SPATA1: variants seen among roughly 807,000 people sequenced by gnomAD.
The protein encoded by SPATA1 is spermatogenesis-associated protein 1.
SPATA1 carries 57 observed loss-of-function variants against 59.6 expected under a neutral mutation model. That is an observed-to-expected ratio of 0.96 (90% CI 0.77 to 1.19). The LOEUF is 1.19. Among genes scored for constraint, SPATA1 ranks in the 50% most tolerant of loss-of-function variants. The probability of loss-of-function intolerance (pLI) is 0.00; values close to 1 mark genes in which losing one functional copy is unlikely to be tolerated. For missense variants in SPATA1, 448 were observed against 480.7 expected (o/e 0.93, Z 0.64); for synonymous variants, 147 against 163.9 (o/e 0.90, Z 0.79).
At chr1:84,563,277 C>G (rs1362956992) in intron 4 of SPATA1, 1 of 1,557,482 alleles carries the variant, frequency 6.4e-7, no homozygotes, top group African/African-American at 1.4e-5. Flanking sequence ...TAATAAGGAG[C>G]CCGCTGATCT....
intron 1 of SPATA1, among the ~76,000 whole-genome samples, chr1:84,508,397 T>C (rs1263531230): frequency 6.6e-6 from 1 of 152,250 alleles, no homozygotes; most frequent in Non-Finnish European, 1.5e-5. Context: ...GTTTAGATGT[T>C]CTTTGACCTT....
intron 8 of SPATA1, among the ~76,000 whole-genome samples, chr1:84,537,868 C>T (rs1015288761): frequency 2.6e-5 from 4 of 152,152 alleles, no homozygotes; most frequent in Non-Finnish European, 5.9e-5. Context: ...TGTAGCCATT[C>T]CCTTAATTCA....
chr1:84,535,953 A>C (rs1339776749), intron 8 of SPATA1, among the ~76,000 whole-genome samples: 4 of 152,160 alleles, frequency 2.6e-5, no homozygotes, highest in Non-Finnish European at 5.9e-5. Context: ...AGGAGACCAG[A>C]CCTAGAACCT....
chr1:84,566,103 A>G, exon 5 of SPATA1: 1 of 704,060 alleles, frequency 1.4e-6, no homozygotes, highest in East Asian at 3.6e-5. Context: ...TTTACCTTAT[A>G]CTACACAAGG....
exon 5 of SPATA1, chr1:84,565,915 G>A: frequency 6.2e-7 from 1 of 1,601,484 alleles, no homozygotes; most frequent in East Asian, 2.3e-5. Flanking sequence ...TTCATCATAA[G>A]ACATCACAAA....
chr1:84,548,500 T>C (rs928624752), intron 10 of SPATA1, among the ~76,000 whole-genome samples: 35 of 148,180 alleles, frequency 2.4e-4, no homozygotes, highest in Admixed American at 2.0e-3. Context: ...ATATTACTAT[T>C]CAATGTATTA....
intron 4 of SPATA1, chr1:84,563,811 A>G: frequency 6.2e-7 from 1 of 1,607,398 alleles, no homozygotes; most frequent in Middle Eastern, 1.7e-4. Flanking sequence ...ATTAATGCTC[A>G]TCTTGATGTA....
chr1:84,548,967 A>G lies in SPATA1; in HGVS notation c.1125+3A>G. The G allele has an allele frequency of 6.4e-7, 1 of 1,564,214 alleles. No homozygotes were observed. ...TGGCAAACATCACAGACTCCAAGGT[A>G]TTACTAAATGTATCCCCCTTCCGTT... On this transcript the variant is annotated splice_donor_region_variant and intron_variant, in intron 11 of 12. Transcript: ENST00000490879.
intron 8 of SPATA1, among the ~76,000 whole-genome samples, chr1:84,535,472 A>G (rs527929115): frequency 1.3e-5 from 2 of 152,260 alleles, no homozygotes; most frequent in African/African-American, 4.8e-5. Flanking sequence ...TAATCTGTGA[A>G]CACAATATAT....
chr1:84,526,233 C>A, intron 6 of SPATA1, 160 bp downstream of exon 6: 1 of 566,164 alleles, frequency 1.8e-6, no homozygotes, highest in Non-Finnish European at 3.0e-6. Flanking sequence ...AATATTTTTG[C>A]CAGATGGGAG....
chr1:84,507,290 AC>A (rs1465534955), intron 1 of SPATA1: 1 of 152,220 alleles, frequency 6.6e-6, no homozygotes, highest in Non-Finnish European at 1.5e-5. Flanking sequence ...GTGTAATTGC[AC>A]TGGTCAACAA....
intron 4 of SPATA1, chr1:84,563,125 TC>T (rs1374229743): frequency 1.9e-6 from 1 of 513,802 alleles, no homozygotes; most frequent in African/African-American, 2.0e-5. Flanking sequence ...ACAAGTTTAC[TC>T]ATGTAAATAG....
intron 9 of SPATA1, 145 bp from the exon 10 acceptor site, chr1:84,545,489 T>C (rs868653717): frequency 2.4e-6 from 2 of 829,742 alleles, no homozygotes; most frequent in Middle Eastern, 7.5e-4. Flanking sequence ...ACATGGTAAA[T>C]GCTATACTGT....
chr1:84,560,129 GAAAGGAAA>G (rs1231428445), intron 4 of SPATA1, among the ~76,000 whole-genome samples: 21 of 136,760 alleles, frequency 1.5e-4, no homozygotes, highest in East Asian at 8.4e-4. Flanking sequence ...AAGAAAGAAA[GAAAGGAAA>G]GAAAGAAAGA....
chr1:84,509,141 G>T (rs1023796982), intron 1 of SPATA1, among the ~76,000 whole-genome samples: 7 of 150,834 alleles, frequency 4.6e-5, no homozygotes, highest in African/African-American at 1.7e-4. Context: ...AAAAATGGAG[G>T]AATCATGTTA....
chr1:84,556,666 C>T (rs1570465096), downstream of SPATA1, among the ~76,000 whole-genome samples: 1 of 144,530 alleles, frequency 6.9e-6, no homozygotes, highest in African/African-American at 2.6e-5. Flanking sequence ...AAGCTGAGAT[C>T]ACGCCACTGC....
exon 7 of SPATA1, chr1:84,532,974 G>A (rs1205591878): frequency 3.2e-6 from 5 of 1,543,130 alleles, no homozygotes; most frequent in Admixed American, 3.9e-5. Context: ...ACTAAAAAAA[G>A]GTAATTAGTA....
At chr1:84,509,343 G>T (rs1682435284) in intron 1 of SPATA1, among the ~76,000 whole-genome samples, 2 of 152,196 alleles carry the variant, frequency 1.3e-5, no homozygotes, top group African/African-American at 4.8e-5. Flanking sequence ...CCAATAAATG[G>T]TGCTGGGAAA....
At chr1:84,563,789 A>T in intron 4 of SPATA1, 3 of 1,609,322 alleles carry the variant, frequency 1.9e-6, no homozygotes, top group South Asian at 2.2e-5. Context: ...CACCCATTAC[A>T]AGTTTCTTAG....
Sources: allele counts gnomAD v4.1 joint callset (sites outside exome capture counted in the v4.1 genomes callset), GRCh38; gene constraint gnomAD v4.1.1; transcripts MANE v1.5; gene names NCBI Gene and HGNC (gene_info 2026-07-23, HGNC 2026-07-21).